CELSR1: variants seen among roughly 807,000 people sequenced by gnomAD.
The protein encoded by CELSR1 is adhesion G protein-coupled receptor C1.
Under a neutral mutation model 249.1 loss-of-function variants are expected in CELSR1, and 110 were observed. The observed-to-expected ratio is 0.44, with a 90% CI of 0.38 to 0.52. The LOEUF (loss-of-function observed/expected upper bound fraction) is 0.52, where lower values mean the gene tolerates loss of function less well. Ranked by LOEUF, CELSR1 falls within the 20% of genes least tolerant of loss-of-function variation. CELSR1 has a pLI of 0.00. For missense variants in CELSR1, 4,109 were observed against 4,296.4 expected (o/e 0.96, Z 1.22); for synonymous variants, 2,113 against 1,900.0 (o/e 1.11, Z -2.92).
chr22:46,530,346 T>C (rs924175321), intron 1 of CELSR1: 1 of 148,194 alleles, frequency 6.7e-6, no homozygotes, highest in Admixed American at 6.8e-5. Context: ...TTATAACATA[T>C]ATTATATATT....
intron 1 of CELSR1, among the ~76,000 whole-genome samples, chr22:46,495,255 C>G (rs1482760397): frequency 6.6e-6 from 1 of 152,210 alleles, no homozygotes; most frequent in African/African-American, 2.4e-5. Context: ...AAGCTACACA[C>G]CTGTACAGCA....
rs1297845473 is a variant in CELSR1 at position 46,473,855 on chromosome 22, C to T, written c.3545-9510G>A. ...TTTTAGAGGCCAGATTGGGGCCAGA[C>T]AACAGGTGCGATGTGTTGATCCTGC... is the stretch of plus-strand genomic sequence containing the variant. On this transcript the variant is annotated intron_variant, in intron 1 of 34. Coordinates refer to ENST00000674500, the MANE Select transcript of CELSR1 (RefSeq NM_001378328.1). The surrounding 1 kb of genome is among the most constrained non-coding windows in gnomAD (Gnocchi z 6.6). 1.3e-5 allele frequency among the ~76,000 whole-genome samples: 2 copies of T among 152,110 alleles called. No homozygotes were observed. Among genetic ancestry groups the T allele is most frequent in the African/African-American group, 2.4e-5 (1 of 41,380 alleles).
rs2080740670 is a variant in CELSR1 at position 46,526,588 on chromosome 22, A to T, written c.3544+7039T>A. On this transcript the variant is annotated intron_variant, in intron 1 of 34. Transcript: ENST00000674500. This position sits in a 1 kb window ranked among gnomAD's most constrained non-coding sequence, Gnocchi z 4.7. ...TCACATCTCTGTCCCCAGGCTCTCC[A>T]ACCGCCAGACGGCATCCATCACGGA... Among the ~76,000 whole-genome samples, 1 of 152,194 alleles carries T rather than the reference A, an allele frequency of 6.6e-6. No homozygotes were observed. The highest frequency in any genetic ancestry group is 1.5e-5 in the Non-Finnish European group (1 of 68,040).
rs767865626 is a variant in CELSR1, at chr22:46,364,702, C to A, written c.8589G>T (p.Trp2863Cys). Residue 2863 changes from tryptophan to cysteine, a missense_variant, in exon 33 of 35, where the codon TGG becomes TGT. Physicochemically the swap from Trp to Cys is radical, Grantham distance 215 (BLOSUM62 -2). This residue lies in a region of CELSR1 where 1,805 missense variants were observed against 1,831.6 expected (regional missense o/e 0.99). Transcript: ENST00000674500. ...CACTCTCAGCCAGGCTCTGGTCGGG[C>A]CAGCCGGCCGGAACGTGGTTGGCCA... ...DAVANHVPAGWPDQSLAESDS... is the reference protein window; with the variant it reads ...DAVANHVPAGCPDQSLAESDS... The A allele has an allele frequency of 2.7e-5, 44 of 1,612,364 alleles. No individual in the cohort carries two copies. In the South Asian group the frequency reaches 4.3e-4, roughly 16 times the overall value.
chr22:46,451,621 CG>C (rs969231876), intron 2 of CELSR1, among the ~76,000 whole-genome samples: 21 of 152,104 alleles, frequency 1.4e-4, no homozygotes, highest in African/African-American at 4.8e-4. Context: ...GAATCACCCT[CG>C]GGGACACAGC....
chr22:46,415,661 C>A (rs1240518887), intron 5 of CELSR1, among the ~76,000 whole-genome samples: 1 of 152,064 alleles, frequency 6.6e-6, no homozygotes, highest in Non-Finnish European at 1.5e-5. Flanking sequence ...GGGCATCCCC[C>A]CTCACCAGCC....
intron 19 of CELSR1, among the ~76,000 whole-genome samples, chr22:46,385,325 G>A (rs1053496796): frequency 2.0e-5 from 3 of 152,040 alleles, no homozygotes; most frequent in African/African-American, 7.2e-5. Flanking sequence ...TCGAACTCCT[G>A]GGCTCAAGCA....
In CELSR1 at chr22:46,488,376, G is replaced by A. The variant is rs949940033; in HGVS notation, c.3545-24031C>T. On this transcript the variant is annotated intron_variant, in intron 1 of 34. Transcript: ENST00000674500. This position sits in a 1 kb window ranked among gnomAD's most constrained non-coding sequence, Gnocchi z 4.7. Reference sequence around the variant, plus strand: ...CTGAGCCCTTCCTGCTCCTAAGCCCGCAGCTTCCCTGCTCGCCTACAGCCG... The same window carrying A: ...CTGAGCCCTTCCTGCTCCTAAGCCCACAGCTTCCCTGCTCGCCTACAGCCG... Among the ~76,000 whole-genome samples the A allele has an allele frequency of 1.3e-5, 2 of 152,092 alleles. No individual in the cohort carries two copies. Among genetic ancestry groups the A allele is most frequent in the Middle Eastern group, 3.2e-3 (1 of 316 alleles).
chr22:46,404,674 A>C (rs1390010762), intron 9 of CELSR1, among the ~76,000 whole-genome samples: 6 of 152,194 alleles, frequency 3.9e-5, no homozygotes, highest in Admixed American at 3.9e-4. Context: ...TTTTTAGTAG[A>C]AACAAGGTTT....
chr22:46,367,156 C>T, intron 28 of CELSR1, 38 bp from the exon 29 acceptor site: 2 of 1,599,428 alleles, frequency 1.3e-6, no homozygotes, highest in Admixed American at 3.4e-5. Context: ...CTGCTGCTGC[C>T]TCCCTAGGCA....
chr22:46,481,899 A>C (rs563268774), intron 1 of CELSR1: 57 of 177,302 alleles, frequency 3.2e-4, no homozygotes, highest in African/African-American at 1.2e-3. Flanking sequence ...CAGCCTCCCG[A>C]GTAGCTGGGA....
intron 5 of CELSR1, among the ~76,000 whole-genome samples, chr22:46,418,071 G>C (rs963570768): frequency 2.6e-5 from 4 of 152,250 alleles, no homozygotes; most frequent in African/African-American, 9.6e-5. Flanking sequence ...CATGTGTGAA[G>C]TGCTTGCAGC....
At chr22:46,366,787 T>TAG (rs2147164758) in intron 29 of CELSR1, among the ~76,000 whole-genome samples, 1 of 152,248 alleles carries the variant, frequency 6.6e-6, no homozygotes, top group East Asian at 1.9e-4. Flanking sequence ...AGAGCAGGGT[T>TAG]AGGATGCGAC....
rs188700595 is a variant in CELSR1 at position 46,385,826 on chromosome 22, C to T, written c.6739+576G>A. ...CCGAGTAGCTGGGACTACAAACGCC[C>T]ACCACCACGACCGGCTACTTTTTTG... On this transcript the variant is annotated intron_variant, in intron 19 of 34. Transcript: ENST00000674500. Among the ~76,000 whole-genome samples the T allele has an allele frequency of 2.2e-3, 334 of 152,160 alleles. 1 individual carries two copies. Among genetic ancestry groups the T allele is most frequent in the African/African-American group, 7.7e-3 (318 of 41,508 alleles).
chr22:46,489,873 G>A (rs1484272090), intron 1 of CELSR1, among the ~76,000 whole-genome samples: 1 of 142,922 alleles, frequency 7.0e-6, no homozygotes, highest in Non-Finnish European at 1.5e-5. Context: ...CCAGCCTGGT[G>A]ACAGATCAAG....
Position 46,535,505 on chromosome 22 carries a change from G to C in CELSR1, c.1666C>G (p.Leu556Val), listed in dbSNP as rs11575871. ...ATAGGCTCGTTGTCGTTGACATCCAGCACCTGCACAGACACCACCCCTGAA... is the reference window on the plus strand; with the variant it reads ...ATAGGCTCGTTGTCGTTGACATCCACCACCTGCACAGACACCACCCCTGAA... ...NSSGVVSVQV[L>V]DVNDNEPIFV... Residue 556 changes from leucine to valine, a missense_variant, in exon 1 of 35, where the codon CTG becomes GTG. By Grantham distance (32) the Leu-to-Val change is conservative (BLOSUM62 1). Coordinates refer to ENST00000674500, the MANE Select transcript of CELSR1 (RefSeq NM_001378328.1). 54,495 of 1,612,930 alleles carry C rather than the reference G, an allele frequency of 0.034. 1,130 individuals carry two copies. Among genetic ancestry groups the C allele is most frequent in the South Asian group, 0.059 (5,397 of 91,068 alleles).
chr22:46,481,316 G>C, intron 1 of CELSR1: 1 of 635,456 alleles, frequency 1.6e-6, no homozygotes, highest in Non-Finnish European at 2.8e-6. Flanking sequence ...ATGGCCACTG[G>C]CAAAGACTTT....
Position 46,411,613 on chromosome 22 carries a change from G to A in CELSR1, c.4758C>T (p.Thr1586=), listed in dbSNP as rs34129506. The stretch of plus-strand genomic sequence containing the variant: ...CCTGGGATGCTCACTTCTTGGAGCC[G>A]GTCTGAGTGCCCTGGGCAGCGCAGC... The part of the protein sequence containing the change: ...NYSCAAQGTQ[T]GSKKSLDLTG... The change falls in exon 6 of 35, where the codon ACC becomes ACT. Residue 1586 remains threonine, a synonymous_variant. Transcript: ENST00000674500. This position sits in a 1 kb window ranked among gnomAD's most constrained non-coding sequence, Gnocchi z 4.2. 43,196 of 1,614,050 alleles carry A rather than the reference G, an allele frequency of 0.027. 679 individuals are homozygous for A. Among genetic ancestry groups the A allele is most frequent in the Non-Finnish European group, 0.031 (36,279 of 1,179,978 alleles).
chr22:46,537,255 A>C lies in CELSR1; in HGVS notation c.-85T>G. ...CCGCATCCACCCGGCGAGGCCGGGG[A>C]GCGGCTCCCGGGCGCCCGGCCCTCG... On this transcript the variant is annotated 5_prime_UTR_variant, in exon 1 of 35. Coordinates refer to ENST00000674500, the MANE Select transcript of CELSR1 (RefSeq NM_001378328.1). This position sits in a 1 kb window ranked among gnomAD's most constrained non-coding sequence, Gnocchi z 5.8. The C allele has an allele frequency of 9.9e-7, 1 of 1,005,204 alleles. No individual in the cohort carries two copies. The highest frequency in any genetic ancestry group is 1.8e-5 in the African/African-American group (1 of 57,050). The allele number at this position is 1,005,204 out of a possible 1,614,324, so 62.3% of individuals were successfully genotyped here. A position where few individuals can be genotyped will look rare whatever the true frequency, so the allele number is the denominator to read the frequency against.
Sources: gnomAD v4.1 joint callset for allele counts (sites outside exome capture counted in the v4.1 genomes callset) on GRCh38, gnomAD v4.1.1 for gene constraint, gnomAD v4.1.1 regional missense constraint, Gnocchi (gnomAD v3.1) non-coding constraint, MANE v1.5 for transcripts, NCBI Gene and HGNC (gene_info 2026-07-23, HGNC 2026-07-21) for gene names.